Variants in GPC6 observed in about 807,000 individuals in gnomAD.
GPC6 encodes glypican-6.
GPC6 carries 14 observed loss-of-function variants against 55.2 expected under a neutral mutation model. That is an observed-to-expected ratio of 0.25 (90% CI 0.17 to 0.40). GPC6 has a LOEUF of 0.40. Among genes scored for constraint, GPC6 ranks in the 10% least tolerant of loss-of-function variants. The pLI is 1.00. For missense variants in GPC6, 641 were observed against 708.5 expected (o/e 0.90, Z 1.08); for synonymous variants, 278 against 259.6 (o/e 1.07, Z -0.68).
intron 3 of GPC6, among the ~76,000 whole-genome samples, chr13:93,881,718 A>AAC (rs140607684): frequency 0.037 from 5,631 of 151,972 alleles, 278 homozygotes; most frequent in East Asian, 0.17. Context: ...CATATGGTTC[A>AAC]ATATATATAT....
chr13:94,258,526 T>C (rs1010800970), intron 4 of GPC6, among the ~76,000 whole-genome samples: 12 of 152,226 alleles, frequency 7.9e-5, no homozygotes, highest in African/African-American at 2.9e-4. Context: ...GCTTTTTCTA[T>C]CCAGTATCTT....
At chr13:93,584,343 G>C (rs1877085479) in intron 2 of GPC6, among the ~76,000 whole-genome samples, 1 of 152,050 alleles carries the variant, frequency 6.6e-6, no homozygotes, top group Non-Finnish European at 1.5e-5. Flanking sequence ...TCTTTGGGGG[G>C]GTCCCAGAGA....
In GPC6 at chr13:93,943,552, T is replaced by G. The variant is rs537044691; in HGVS notation, c.712-84177T>G. Reference sequence around the variant, plus strand: ...AGTTCAGCTTTGCCCTCTGCTCAATTGCATTTATCTACTGTCTCATGCCTG... The same window carrying G: ...AGTTCAGCTTTGCCCTCTGCTCAATGGCATTTATCTACTGTCTCATGCCTG... On this transcript the variant is annotated intron_variant, in intron 3 of 8. Transcript: ENST00000377047. Among the ~76,000 whole-genome samples, 292 of 152,246 alleles carry G rather than the reference T, an allele frequency of 1.9e-3. 2 individuals carry two copies. Among genetic ancestry groups the G allele is most frequent in the Non-Finnish European group, 3.4e-3 (229 of 68,014 alleles).
At chr13:94,150,106 G>C (rs1887686711) in intron 4 of GPC6, among the ~76,000 whole-genome samples, 1 of 151,978 alleles carries the variant, frequency 6.6e-6, no homozygotes, top group African/African-American at 2.4e-5. Flanking sequence ...TTATCTCAGA[G>C]AACAGTGCCA....
intron 2 of GPC6, among the ~76,000 whole-genome samples, chr13:93,650,778 C>A (rs548598792): frequency 6.6e-6 from 1 of 152,252 alleles, no homozygotes; most frequent in Admixed American, 6.5e-5. Flanking sequence ...TAAGTTCAGT[C>A]CAAATAATTG....
chr13:94,277,242 GTGTC>G (rs1892244437), intron 4 of GPC6, among the ~76,000 whole-genome samples: 1 of 150,858 alleles, frequency 6.6e-6, no homozygotes, highest in South Asian at 2.1e-4. Context: ...CTTTTGAAAA[GTGTC>G]TGTTCATATC....
chr13:93,416,588 A>G (rs1339847183), intron 1 of GPC6, among the ~76,000 whole-genome samples: 2 of 152,132 alleles, frequency 1.3e-5, no homozygotes, highest in African/African-American at 2.4e-5. Context: ...GTGCAATTAA[A>G]TTATTATTGG....
intron 2 of GPC6, among the ~76,000 whole-genome samples, chr13:93,651,621 A>T (rs1425435913): frequency 6.6e-6 from 1 of 152,112 alleles, no homozygotes; most frequent in Non-Finnish European, 1.5e-5. Context: ...TAATCCATAC[A>T]ACTACCGACG....
At chr13:93,565,849 G>A (rs553069757) in intron 2 of GPC6, among the ~76,000 whole-genome samples, 22 of 151,702 alleles carry the variant, frequency 1.5e-4, no homozygotes, top group African/African-American at 5.3e-4. Flanking sequence ...TTGAACCCGG[G>A]AGGCGGAGGT....
At chr13:93,655,003 A>ATTTTTTTTTTTTTTTTTTTT (rs3884231) in intron 2 of GPC6, among the ~76,000 whole-genome samples, 1 of 104,756 alleles carries the variant, frequency 9.5e-6, no homozygotes, top group Non-Finnish European at 1.8e-5. Context: ...TGCCCGGCTA[A>ATTTTTTTTTTTTTTTTTTTT]TTTTTTTTTT....
chr13:93,809,484 A>G (rs1886633530), intron 2 of GPC6, among the ~76,000 whole-genome samples: 1 of 152,160 alleles, frequency 6.6e-6, no homozygotes, highest in South Asian at 2.1e-4. Flanking sequence ...AGTGACATTG[A>G]TATCTGTAAT....
At chr13:94,303,885 G>A (rs1186918316) in intron 5 of GPC6, among the ~76,000 whole-genome samples, 4 of 151,914 alleles carry the variant, frequency 2.6e-5, no homozygotes, top group Non-Finnish European at 5.9e-5. Flanking sequence ...ACTTAACCCA[G>A]TGAGCCACAT....
chr13:94,222,367 G>C (rs2139002648), intron 4 of GPC6, among the ~76,000 whole-genome samples: 1 of 152,216 alleles, frequency 6.6e-6, no homozygotes, highest in East Asian at 1.9e-4. Flanking sequence ...AGGAAGCAAA[G>C]ATCCAAGGAT....
At chr13:94,326,195 G>A (rs1273895201) in intron 6 of GPC6, among the ~76,000 whole-genome samples, 1 of 127,428 alleles carries the variant, frequency 7.8e-6, no homozygotes, top group African/African-American at 3.1e-5. Flanking sequence ...GGTATTTTTG[G>A]TATGCTTGTG....
intron 4 of GPC6, among the ~76,000 whole-genome samples, chr13:94,072,352 T>G (rs1884764707): frequency 6.6e-6 from 1 of 152,128 alleles, no homozygotes; most frequent in Admixed American, 6.5e-5. Context: ...TGTTTTTTTG[T>G]TTGCCTGTTT....
rs993841934 is a variant in GPC6, at chr13:93,233,557, C to A, written c.160+5941C>A. ...AGCAGGGAAGCAGAAATTAAGGACA[C>A]CATTCACAATGAATTAATTCCAACT... is the stretch of plus-strand genomic sequence containing the variant. On this transcript the variant is annotated intron_variant, in intron 1 of 8. Coordinates refer to ENST00000377047, the MANE Select transcript of GPC6 (RefSeq NM_005708.5). 7.9e-5 allele frequency among the ~76,000 whole-genome samples: 12 copies of A among 152,152 alleles called. No homozygotes were observed. In the East Asian group the frequency reaches 1.9e-3, roughly 24 times the overall value.
At chr13:93,613,316 A>G (rs1283420059) in intron 2 of GPC6, among the ~76,000 whole-genome samples, 4 of 152,156 alleles carry the variant, frequency 2.6e-5, no homozygotes, top group Non-Finnish European at 2.9e-5. Context: ...AACTTGGCTA[A>G]GTGATTGCTG....
intron 4 of GPC6, among the ~76,000 whole-genome samples, chr13:94,132,284 T>C (rs756513921): frequency 1.3e-5 from 2 of 152,200 alleles, no homozygotes; most frequent in Admixed American, 1.3e-4. Context: ...AGTGTAGTTA[T>C]ATTTCCCTGA....
intron 2 of GPC6, among the ~76,000 whole-genome samples, chr13:93,731,538 G>A (rs899509427): frequency 3.9e-5 from 6 of 152,122 alleles, no homozygotes; most frequent in Admixed American, 1.3e-4. Flanking sequence ...CAAACCAAGC[G>A]TCTATTCTAA....
Sources: allele counts gnomAD v4.1 joint callset (sites outside exome capture counted in the v4.1 genomes callset), GRCh38; gene constraint gnomAD v4.1.1; transcripts MANE v1.5; gene names NCBI Gene and HGNC (gene_info 2026-07-23, HGNC 2026-07-21).